The following PCDHA7 variants were observed in gnomAD, a reference collection of about 807,000 sequenced individuals.
PCDHA7 encodes the protein protocadherin alpha 7, also known as protocadherin alpha-7.
In PCDHA7, 37 loss-of-function variants were observed where a neutral mutation model predicts 57.2. The ratio of observed to expected loss-of-function variants is 0.65; its 90% CI spans 0.50 to 0.85. The LOEUF (loss-of-function observed/expected upper bound fraction) is 0.85, where lower values mean the gene tolerates loss of function less well. Ranked by LOEUF, PCDHA7 falls within the 40% of genes least tolerant of loss-of-function variation. PCDHA7 has a pLI of 0.00. For missense variants in PCDHA7, 1,188 were observed against 1,241.8 expected (o/e 0.96, Z 0.65); for synonymous variants, 553 against 558.8 (o/e 0.99, Z 0.15).
chr5:140,843,088 C>G lies in PCDHA7; in HGVS notation c.2355+6350C>G, dbSNP rs1554139726. On this transcript the variant is annotated intron_variant, in intron 1 of 3. Coordinates refer to ENST00000525929, the MANE Select transcript of PCDHA7 (RefSeq NM_018910.3). Reference sequence around the variant, plus strand: ...TGCCGCGGTCTGTGGGCGCGGGCCACGTGGTAGCGAAGGTGCGCGCAGTGG... The same window carrying G: ...TGCCGCGGTCTGTGGGCGCGGGCCAGGTGGTAGCGAAGGTGCGCGCAGTGG... The G allele has an allele frequency of 7.5e-6, 12 of 1,595,530 alleles. 2 individuals carry two copies. Among genetic ancestry groups the G allele is most frequent in the African/African-American group, 6.7e-5 (5 of 74,528 alleles).
At chr5:140,848,041 T>C (rs1245564819) in intron 1 of PCDHA7, 2 of 159,606 alleles carry the variant, frequency 1.3e-5, no homozygotes, top group Admixed American at 5.9e-5. Context: ...CTCAATGGAA[T>C]CATTTTAATT....
intron 1 of PCDHA7, chr5:140,927,771 G>C: frequency 6.2e-7 from 1 of 1,614,210 alleles, no homozygotes; most frequent in Non-Finnish European, 8.5e-7. Flanking sequence ...GTGGGGAGGT[G>C]CAAGTAGCTG....
intron 1 of PCDHA7, among the ~76,000 whole-genome samples, chr5:140,880,884 G>A (rs540368068): frequency 2.0e-5 from 3 of 152,304 alleles, no homozygotes; most frequent in South Asian, 4.1e-4. Flanking sequence ...ATAAAGAAAT[G>A]TAGGGCCAGA....
Position 140,972,800 on chromosome 5 carries a change from A to G in PCDHA7, c.2356-6149A>G, listed in dbSNP as rs937312575. ...TGCCTCAGCCTCCTGAGTAGCTGAGATTACAGGCACGCGCCACCACGCCTG... is the reference window on the plus strand; with the variant it reads ...TGCCTCAGCCTCCTGAGTAGCTGAGGTTACAGGCACGCGCCACCACGCCTG... On this transcript the variant is annotated intron_variant, in intron 1 of 3. Transcript: ENST00000525929. Among the ~76,000 whole-genome samples, 8 of 151,520 alleles carry G rather than the reference A, an allele frequency of 5.3e-5. No individual in the cohort carries two copies. In the South Asian group the frequency reaches 6.3e-4, roughly 12 times the overall value.
chr5:140,876,580 G>T, intron 1 of PCDHA7: 1 of 1,614,190 alleles, frequency 6.2e-7, no homozygotes, highest in African/African-American at 1.3e-5. Context: ...TACCGTCATT[G>T]CCCTGATTAG....
rs1265852069 is a variant in PCDHA7 at position 140,837,275 on chromosome 5, CTT to C, written c.2355+538_2355+539del. The C allele has an allele frequency of 4.6e-5, 7 of 152,036 alleles. 1 individual carries two copies. The highest frequency in any genetic ancestry group is 1.7e-4 in the African/African-American group (7 of 41,340). 9.4% of individuals were successfully genotyped at this position (152,036 alleles called of 1,614,324 possible). ...TTTTATCATATTTGTGTAGCACTGA[CTT>C]CTTTTTAACTTACTTTGTTGAGATG... On this transcript the variant is annotated intron_variant, in intron 1 of 3. Coordinates refer to ENST00000525929, the MANE Select transcript of PCDHA7 (RefSeq NM_018910.3).
chr5:140,928,829 T>C, intron 1 of PCDHA7: 1 of 1,614,170 alleles, frequency 6.2e-7, no homozygotes, highest in Non-Finnish European at 8.5e-7. Context: ...GACCCACCAC[T>C]TTCCTCCTCT....
intron 1 of PCDHA7, among the ~76,000 whole-genome samples, chr5:140,892,616 G>C (rs781995267): frequency 6.6e-6 from 1 of 151,910 alleles, no homozygotes; most frequent in Non-Finnish European, 1.5e-5. Flanking sequence ...TTTATTTCCA[G>C]TTGGTACATA....
intron 3 of PCDHA7, among the ~76,000 whole-genome samples, chr5:141,005,656 C>T (rs1004583867): frequency 1.5e-4 from 20 of 136,082 alleles, no homozygotes; most frequent in Non-Finnish European, 2.5e-4. Context: ...GAGTCGAGAT[C>T]GCGCCACTGC....
Position 141,012,131 on chromosome 5 carries a change from G to A in PCDHA7, c.*2194G>A, listed in dbSNP as rs1214098938. The A allele has an allele frequency of 1.3e-5, 2 of 153,688 alleles. No individual in the cohort carries two copies. The highest frequency in any genetic ancestry group is 2.9e-5 in the Non-Finnish European group (2 of 68,026). 9.5% of individuals were successfully genotyped at this position (153,688 alleles called of 1,614,324 possible). A position where few individuals can be genotyped will look rare whatever the true frequency, so the allele number is the denominator to read the frequency against. ...CTGAAGCCCATGTATCTGACCTTAC[G>A]TGCCTTTTGAACTAGGAGAATCGGG... On this transcript the variant is annotated 3_prime_UTR_variant, in exon 4 of 4. Transcript: ENST00000525929.
At chr5:140,868,042 C>G (rs1248168990) in intron 1 of PCDHA7, 1 of 151,924 alleles carries the variant, frequency 6.6e-6, no homozygotes, top group Non-Finnish European at 1.5e-5. Context: ...CTTGGAAATA[C>G]CAATATGGCA....
intron 1 of PCDHA7, chr5:140,842,521 C>T (rs2150337974): frequency 1.9e-6 from 3 of 1,613,508 alleles, no homozygotes; most frequent in East Asian, 4.5e-5. Context: ...TGGTGTCCAC[C>T]TTCAAGAATT....
chr5:140,887,385 C>T (rs1015937560), intron 1 of PCDHA7, among the ~76,000 whole-genome samples: 3 of 152,124 alleles, frequency 2.0e-5, no homozygotes, highest in Admixed American at 6.5e-5. Context: ...TGTGAGCCAC[C>T]GCGCCCGGCT....
chr5:140,926,928 G>T, intron 1 of PCDHA7: 1 of 1,574,878 alleles, frequency 6.3e-7, no homozygotes, highest in Non-Finnish European at 8.6e-7. Flanking sequence ...TATGTTTGTG[G>T]GTTTCCTGCG....
At chr5:140,861,746 A>G (rs1163368847) in intron 1 of PCDHA7, 1 of 145,142 alleles carries the variant, frequency 6.9e-6, no homozygotes, top group African/African-American at 2.8e-5. Context: ...ACTGTGCCGC[A>G]ATGATTATTT....
chr5:140,860,034 A>G (rs1356064800), intron 1 of PCDHA7: 3 of 150,432 alleles, frequency 2.0e-5, no homozygotes, highest in Non-Finnish European at 3.0e-5. Context: ...CACACCTGTA[A>G]TCCCAGCATT....
intron 1 of PCDHA7, chr5:140,877,428 G>A: frequency 6.2e-7 from 1 of 1,613,886 alleles, no homozygotes; most frequent in Non-Finnish European, 8.5e-7. Flanking sequence ...TGCTGGTGAA[G>A]GACCACGGTG....
chr5:140,862,949 C>G lies in PCDHA7; in HGVS notation c.2355+26211C>G, dbSNP rs541015740. The G allele has an allele frequency of 9.9e-5, 54 of 542,878 alleles. 1 individual carries two copies. The highest frequency in any genetic ancestry group is 8.3e-4 in the African/African-American group (44 of 52,750). 33.6% of individuals were successfully genotyped at this position (542,878 alleles called of 1,614,324 possible). A position where few individuals can be genotyped will look rare whatever the true frequency, so the allele number is the denominator to read the frequency against. ...TGGCGGCGCTGTGAGTGAGCTGGTG[C>G]GGTATTCAGTGGATGCAGGCCACTT... On this transcript the variant is annotated intron_variant, in intron 1 of 3. Coordinates refer to ENST00000525929, the MANE Select transcript of PCDHA7 (RefSeq NM_018910.3).
At chr5:140,969,120 G>T (rs1333559202) in intron 1 of PCDHA7, 1 of 1,613,970 alleles carries the variant, frequency 6.2e-7, no homozygotes, top group Non-Finnish European at 8.5e-7. Flanking sequence ...CGAGGGAATG[G>T]CTCCCTCACC....
Sources: gnomAD v4.1 joint callset for allele counts (sites outside exome capture counted in the v4.1 genomes callset) on GRCh38, gnomAD v4.1.1 for gene constraint, MANE v1.5 for transcripts, NCBI Gene and HGNC (gene_info 2026-07-23, HGNC 2026-07-21) for gene names.